The following CADM2 variants were observed in gnomAD, a reference collection of about 807,000 sequenced individuals.
The protein encoded by CADM2 is cell adhesion molecule 2, also known as immunoglobulin superfamily member 4D.
In CADM2, 12 loss-of-function variants were observed where a neutral mutation model predicts 49.8. The observed-to-expected ratio is 0.24, with a 90% CI of 0.15 to 0.39. The LOEUF (loss-of-function observed/expected upper bound fraction) is 0.39. CADM2 is among the 10% of genes least tolerant of loss of function. The pLI is 1.00. For missense variants in CADM2, 378 were observed against 492.3 expected, an observed-to-expected ratio of 0.77 and a Z score of 2.20; for synonymous variants, 214 against 175.4, an observed-to-expected ratio of 1.22 and a Z score of -1.74.
At chr3:85,774,580 A>G (rs1220313138) in intron 2 of CADM2, among the ~76,000 whole-genome samples, 1 of 151,704 alleles carries the variant, frequency 6.6e-6, no homozygotes, top group Non-Finnish European at 1.5e-5. Context: ...GTCTCTTGCA[A>G]CCAGAAATAT....
intron 8 of CADM2, among the ~76,000 whole-genome samples, chr3:86,011,310 CTAAT>C (rs1731480875): frequency 6.6e-6 from 1 of 152,108 alleles, no homozygotes; most frequent in South Asian, 2.1e-4. Flanking sequence ...TTCATTCACA[CTAAT>C]TCAAATTTGT....
chr3:85,344,701 C>A lies in CADM2; in HGVS notation c.62-381821C>A, dbSNP rs1052230785. On this transcript the variant is annotated intron_variant, in intron 1 of 9. Coordinates refer to ENST00000383699, the MANE Select transcript of CADM2 (RefSeq NM_001167675.2). ...ATATTACATTAGCAAAAGACGTGTT[C>A]ATTCTTTGATATTTCCACTGGTAAC... Among the ~76,000 whole-genome samples, 3 of 151,886 alleles carry A rather than the reference C, an allele frequency of 2.0e-5. No homozygotes were observed. In the East Asian group the frequency reaches 5.8e-4, roughly 29 times the overall value.
At chr3:86,012,311 T>A (rs945386488) in intron 8 of CADM2, among the ~76,000 whole-genome samples, 4 of 152,220 alleles carry the variant, frequency 2.6e-5, no homozygotes, top group African/African-American at 9.6e-5. Context: ...TATGAAAAGA[T>A]CCTGGTGTCA....
intron 2 of CADM2, among the ~76,000 whole-genome samples, chr3:85,757,147 A>T (rs930577513): frequency 3.9e-5 from 6 of 152,134 alleles, no homozygotes; most frequent in African/African-American, 1.4e-4. Flanking sequence ...AACTAATGAA[A>T]TTTACTATAA....
chr3:85,349,805 G>A (rs911293353), intron 1 of CADM2, among the ~76,000 whole-genome samples: 19 of 152,180 alleles, frequency 1.2e-4, no homozygotes, highest in Admixed American at 9.8e-4. Flanking sequence ...AGAATTTATG[G>A]AGAATTGGAT....
chr3:85,058,335 G>C (rs557255340), intron 1 of CADM2, among the ~76,000 whole-genome samples: 1 of 152,138 alleles, frequency 6.6e-6, no homozygotes, highest in Non-Finnish European at 1.5e-5. Flanking sequence ...ATATGTAGAA[G>C]TATGTGTATA....
At chr3:85,742,640 G>T (rs893638415) in intron 2 of CADM2, among the ~76,000 whole-genome samples, 1 of 152,144 alleles carries the variant, frequency 6.6e-6, no homozygotes, top group Non-Finnish European at 1.5e-5. Flanking sequence ...TTGCAAAACA[G>T]ATACTTTGAA....
At chr3:85,536,552 T>C (rs1171549522) in intron 1 of CADM2, among the ~76,000 whole-genome samples, 2 of 152,020 alleles carry the variant, frequency 1.3e-5, no homozygotes, top group Non-Finnish European at 2.9e-5. Context: ...TTGATTACTC[T>C]AAGTTTTTCA....
chr3:85,870,247 AT>A (rs371390760), intron 3 of CADM2, among the ~76,000 whole-genome samples: 6,913 of 145,736 alleles, frequency 0.047, 352 homozygotes, highest in African/African-American at 0.13. Flanking sequence ...GTTGATGATG[AT>A]TTTTTTTTTT....
Position 85,000,037 on chromosome 3 carries a change from G to A in CADM2, c.61+40369G>A, listed in dbSNP as rs527405815. ...GGTTTTAATGTTTACGATATTTACC[G>A]TGATTGGGACCTTACAAATTTCACA... On this transcript the variant is annotated intron_variant, in intron 1 of 9. Transcript: ENST00000383699. Among the ~76,000 whole-genome samples, 25 of 151,922 alleles carry A rather than the reference G, an allele frequency of 1.6e-4. No homozygotes were observed. The East Asian group carries it at 3.1e-3, about 19-fold the overall frequency.
At chr3:85,563,414 G>GGGGGGC (rs1212655292) in intron 1 of CADM2, among the ~76,000 whole-genome samples, 18 of 149,878 alleles carry the variant, frequency 1.2e-4, no homozygotes, top group Non-Finnish European at 1.3e-4. Context: ...GTGTGTGTGG[G>GGGGGGC]GGGGTGGTAA....
At chr3:85,283,315 A>C (rs954540705) in intron 1 of CADM2, among the ~76,000 whole-genome samples, 2 of 151,806 alleles carry the variant, frequency 1.3e-5, no homozygotes, top group Non-Finnish European at 2.9e-5. Flanking sequence ...TTAGAAAGTT[A>C]AAATATTGCC....
intron 1 of CADM2, among the ~76,000 whole-genome samples, chr3:85,580,869 C>T (rs1281688170): frequency 2.0e-5 from 3 of 152,030 alleles, no homozygotes; most frequent in Non-Finnish European, 4.4e-5. Context: ...CAGTTTAGAA[C>T]AGAATTTGTT....
chr3:86,000,982 G>A (rs1384591093), intron 8 of CADM2, among the ~76,000 whole-genome samples: 1 of 152,094 alleles, frequency 6.6e-6, no homozygotes, highest in Admixed American at 6.5e-5. Flanking sequence ...AGTTTAGGGA[G>A]CTACTGAAAT....
In CADM2 at chr3:85,703,529, C is replaced by T. The variant is rs564208610; in HGVS notation, c.62-22993C>T. Among the ~76,000 whole-genome samples the T allele has an allele frequency of 5.9e-5, 9 of 151,970 alleles. No homozygotes were observed. In the South Asian group the frequency reaches 6.2e-4, roughly 11 times the overall value. The stretch of plus-strand genomic sequence containing the variant: ...TTCTAATGGAGTGAAGGATCATAAC[C>T]GTAGAGTGGGGCAGGTTCCCAGTAG... On this transcript the variant is annotated intron_variant, in intron 1 of 9. Coordinates refer to ENST00000383699, the MANE Select transcript of CADM2 (RefSeq NM_001167675.2).
chr3:85,368,214 A>G (rs2032942629), intron 1 of CADM2, among the ~76,000 whole-genome samples: 1 of 152,042 alleles, frequency 6.6e-6, no homozygotes, highest in Admixed American at 6.6e-5. Context: ...ATCACTAACT[A>G]TTGTTCAACC....
At chr3:85,946,779 T>G (rs994357825) in intron 7 of CADM2, among the ~76,000 whole-genome samples, 6 of 152,094 alleles carry the variant, frequency 3.9e-5, no homozygotes, top group Non-Finnish European at 7.4e-5. Context: ...TCCTTACACC[T>G]TATACAAAAA....
chr3:85,294,686 G>A (rs2106953269), intron 1 of CADM2, among the ~76,000 whole-genome samples: 1 of 151,070 alleles, frequency 6.6e-6, no homozygotes, highest in South Asian at 2.1e-4. Context: ...ACAAGCAATG[G>A]GGAAAGGATT....
intron 1 of CADM2, among the ~76,000 whole-genome samples, chr3:85,477,617 T>C (rs1188421728): frequency 6.6e-6 from 1 of 151,954 alleles, no homozygotes; most frequent in African/African-American, 2.4e-5. Context: ...TGTGCAGTGT[T>C]AAATGCTACA....
Sources: allele counts gnomAD v4.1 joint callset (sites outside exome capture counted in the v4.1 genomes callset), GRCh38; gene constraint gnomAD v4.1.1; transcripts MANE v1.5; gene names NCBI Gene and HGNC (gene_info 2026-07-23, HGNC 2026-07-21).